Variants in MAPRE2 observed in about 807,000 individuals in gnomAD.
MAPRE2 encodes microtubule associated protein RP/EB family member 2.
A neutral mutation model predicts 43.2 loss-of-function variants in MAPRE2; 13 were observed. The observed-to-expected ratio is 0.30, with a 90% CI of 0.20 to 0.48. The LOEUF is 0.48. MAPRE2 is among the 20% of genes least tolerant of loss of function. The probability of loss-of-function intolerance (pLI) is 0.99; values close to 1 mark genes in which losing one functional copy is unlikely to be tolerated. For missense variants in MAPRE2, 161 were observed against 400.2 expected (o/e 0.40, Z 5.10); for synonymous variants, 135 against 148.8 (o/e 0.91, Z 0.68).
intron 4 of MAPRE2, among the ~76,000 whole-genome samples, chr18:35,112,694 GT>G (rs889086502): frequency 6.6e-6 from 1 of 152,110 alleles, no homozygotes; most frequent in Admixed American, 6.5e-5. Flanking sequence ...GGTAGCAGTG[GT>G]TTTTTTCTTC....
intron 1 of MAPRE2, among the ~76,000 whole-genome samples, chr18:35,004,787 G>T (rs758802140): frequency 6.6e-6 from 1 of 151,912 alleles, no homozygotes; most frequent in African/African-American, 2.4e-5. Context: ...GCATGGTGGC[G>T]GGCGCCTGTA....
intron 1 of MAPRE2, among the ~76,000 whole-genome samples, chr18:34,995,246 T>C (rs933555868): frequency 6.6e-6 from 1 of 152,232 alleles, no homozygotes; most frequent in African/African-American, 2.4e-5. Flanking sequence ...CAGTATGGTA[T>C]ACAGTTGTGG....
At chr18:35,085,545 C>T (rs1907836501) in intron 2 of MAPRE2, among the ~76,000 whole-genome samples, 1 of 152,064 alleles carries the variant, frequency 6.6e-6, no homozygotes, top group Non-Finnish European at 1.5e-5. Context: ...GGTGTGTGTG[C>T]CCCCAGGAAT....
At chr18:35,131,901 C>T in intron 5 of MAPRE2, 131 bp from the exon 6 acceptor site, 1 of 908,636 alleles carries the variant, frequency 1.1e-6, no homozygotes, top group Non-Finnish European at 1.7e-6. Flanking sequence ...TTGTTTCTCC[C>T]TCAGACTTAC....
rs994897363 is a variant in MAPRE2, at chr18:34,983,876, C to G, written c.-70+6797C>G. 3.9e-5 allele frequency among the ~76,000 whole-genome samples: 6 copies of G among 152,184 alleles called. 1 individual carries two copies. The highest frequency in any genetic ancestry group is 1.4e-4 in the African/African-American group (6 of 41,498). On this transcript the variant is annotated intron_variant, in intron 1 of 7. Transcript: ENST00000413393. ...AACTCCTGACTTCAAGTGATCCACC[C>G]GCCTCAGCCCCCTTAAGTGCTGGGA...
intron 1 of MAPRE2, chr18:34,984,522 A>G (rs1374168790): frequency 6.6e-6 from 1 of 151,834 alleles, no homozygotes; most frequent in African/African-American, 2.4e-5. Flanking sequence ...AAAAGCAAAA[A>G]CTTGTAATTG....
chr18:35,069,222 CTT>C (rs1185775533), intron 1 of MAPRE2, among the ~76,000 whole-genome samples: 1 of 151,888 alleles, frequency 6.6e-6, no homozygotes, highest in Non-Finnish European at 1.5e-5. Flanking sequence ...AGAGAAGAAA[CTT>C]TATAAAGAAA....
chr18:35,125,994 G>A (rs751480124), intron 4 of MAPRE2, among the ~76,000 whole-genome samples: 29 of 152,138 alleles, frequency 1.9e-4, no homozygotes, highest in Admixed American at 1.8e-3. Flanking sequence ...GTCCAATGAC[G>A]AGCCCTTTGT....
At chr18:35,123,108 T>C (rs1293574678) in intron 4 of MAPRE2, among the ~76,000 whole-genome samples, 2 of 152,222 alleles carry the variant, frequency 1.3e-5, no homozygotes, top group African/African-American at 4.8e-5. Context: ...GCCAGTGTCC[T>C]CTGCTTCTTC....
intron 2 of MAPRE2, among the ~76,000 whole-genome samples, chr18:35,081,168 A>G (rs919580374): frequency 6.6e-6 from 1 of 152,190 alleles, no homozygotes; most frequent in Non-Finnish European, 1.5e-5. Context: ...GTTAAAATCT[A>G]CTATTTAAAA....
At chr18:35,073,006 A>T (rs1324404202) in intron 2 of MAPRE2, among the ~76,000 whole-genome samples, 5 of 152,120 alleles carry the variant, frequency 3.3e-5, no homozygotes, top group Non-Finnish European at 5.9e-5. Flanking sequence ...CAGTTTTCTC[A>T]AGGTATAAAC....
intron 2 of MAPRE2, among the ~76,000 whole-genome samples, chr18:35,016,123 A>G (rs2097038084): frequency 6.6e-6 from 1 of 151,980 alleles, no homozygotes; most frequent in African/African-American, 2.4e-5. Flanking sequence ...TGTAAGGGAC[A>G]TGATTTCATT....
intron 4 of MAPRE2, among the ~76,000 whole-genome samples, 168 bp downstream of exon 4, chr18:35,102,327 C>G (rs1253750928): frequency 6.6e-6 from 1 of 152,150 alleles, no homozygotes; most frequent in Non-Finnish European, 1.5e-5. Flanking sequence ...TTCCTGTGAC[C>G]CATTTGTCAT....
At chr18:34,989,137 G>C (rs537289877) in intron 1 of MAPRE2, among the ~76,000 whole-genome samples, 1 of 152,102 alleles carries the variant, frequency 6.6e-6, no homozygotes, top group Admixed American at 6.6e-5. Context: ...AACCAAAAAA[G>C]GAAGGAGGGG....
intron 1 of MAPRE2, among the ~76,000 whole-genome samples, chr18:35,068,484 CAT>C (rs1046481566): frequency 4.6e-5 from 7 of 152,134 alleles, no homozygotes; most frequent in Non-Finnish European, 8.8e-5. Context: ...TGGATTGAAA[CAT>C]ATCAAATATG....
At chr18:35,108,041 C>T (rs188935277) in intron 4 of MAPRE2, among the ~76,000 whole-genome samples, 72 of 151,950 alleles carry the variant, frequency 4.7e-4, no homozygotes, top group Non-Finnish European at 8.2e-4. Context: ...ATGTGCAGAA[C>T]GTACAGGTTT....
chr18:35,005,332 T>A (rs2097031334), intron 1 of MAPRE2, among the ~76,000 whole-genome samples: 1 of 152,242 alleles, frequency 6.6e-6, no homozygotes, highest in South Asian at 2.1e-4. Flanking sequence ...CACTTTCATA[T>A]GGTAAGATTG....
intron 5 of MAPRE2, among the ~76,000 whole-genome samples, chr18:35,127,825 C>A (rs1056534079): frequency 6.6e-6 from 1 of 152,184 alleles, no homozygotes; most frequent in African/African-American, 2.4e-5. Flanking sequence ...ATGGTAAAAT[C>A]TAACTAGCTC....
At chr18:35,132,511 G>A (rs1021623790) in intron 6 of MAPRE2, among the ~76,000 whole-genome samples, 2 of 152,182 alleles carry the variant, frequency 1.3e-5, no homozygotes, top group African/African-American at 4.8e-5. Flanking sequence ...ATTTGTATAC[G>A]GATTCCTCCT....
Sources: gnomAD v4.1 joint callset for allele counts (sites outside exome capture counted in the v4.1 genomes callset) on GRCh38, gnomAD v4.1.1 for gene constraint, MANE v1.5 for transcripts, NCBI Gene and HGNC (gene_info 2026-07-23, HGNC 2026-07-21) for gene names.